Variants in EYS observed in about 807,000 individuals in gnomAD.
EYS encodes the protein protein eyes shut homolog.
EYS carries 250 observed loss-of-function variants against 282.1 expected under a neutral mutation model. That is an observed-to-expected ratio of 0.89 (90% CI 0.80 to 0.98). The LOEUF (loss-of-function observed/expected upper bound fraction) is 0.98, where lower values mean the gene tolerates loss of function less well. Among genes scored for constraint, EYS ranks in the 50% least tolerant of loss-of-function variants. The probability of loss-of-function intolerance (pLI) is 0.00; values close to 1 mark genes in which losing one functional copy is unlikely to be tolerated. For synonymous variants in EYS, 1,355 were observed against 1,282.9 expected, an observed-to-expected ratio of 1.06 and a Z score of -1.20; for missense variants, 4,016 against 3,709.0, an observed-to-expected ratio of 1.08 and a Z score of -2.15.
chr6:65,037,671 C>A (rs1396622058), intron 13 of EYS, among the ~76,000 whole-genome samples: 1 of 151,546 alleles, frequency 6.6e-6, no homozygotes. Context: ...GGCTCCCAGT[C>A]AAGAGTTTGT....
intron 11 of EYS, chr6:65,330,355 G>A: frequency 1.0e-6 from 1 of 984,102 alleles, no homozygotes; most frequent in Non-Finnish European, 1.2e-6. Context: ...TAAATTTGAG[G>A]CTTCAAAAAC....
chr6:64,641,951 C>T (rs1768172352), intron 22 of EYS, among the ~76,000 whole-genome samples: 1 of 152,158 alleles, frequency 6.6e-6, no homozygotes, highest in African/African-American at 2.4e-5. Context: ...AAAAAATTTT[C>T]TTCCAAAAAA....
rs763528072 is a variant in EYS, at chr6:64,639,567, T to G, written c.3444-13322A>C. 7.7e-5 allele frequency among the ~76,000 whole-genome samples: 7 copies of G among 90,566 alleles called. 2 individuals are homozygous for G. The highest frequency in any genetic ancestry group is 1.7e-4 in the Non-Finnish European group (7 of 42,128). 59.4% of individuals were successfully genotyped at this position (90,566 alleles called of 152,430 possible). A position where few individuals can be genotyped will look rare whatever the true frequency, so the allele number is the denominator to read the frequency against. On this transcript the variant is annotated intron_variant, in intron 22 of 42. Transcript: ENST00000503581. ...CCTTACACCTTATACAAAAATTAATTCAAGGATTAAAGACTTAAACGTTAG... is the reference window on the plus strand; with the variant it reads ...CCTTACACCTTATACAAAAATTAATGCAAGGATTAAAGACTTAAACGTTAG...
At chr6:64,617,298 G>C in intron 24 of EYS, 120 bp downstream of exon 24, 1 of 689,422 alleles carries the variant, frequency 1.5e-6, no homozygotes, top group Admixed American at 2.3e-5. Flanking sequence ...CACAGAGAAG[G>C]AGAGATGCGC....
rs1554170645 is a variant in EYS at position 65,251,455 on chromosome 6, A to AC, written c.2023+44407dup. On this transcript the variant is annotated intron_variant, in intron 12 of 42. Transcript: ENST00000503581. ...TGTTATAAGTTCCTAGGATTTCCAAACAAAAAAAAACAACAAAAATGAAAT... is the reference window on the plus strand; with the variant it reads ...TGTTATAAGTTCCTAGGATTTCCAAACCAAAAAAAAACAACAAAAATGAAAT... 6.8e-3 allele frequency among the ~76,000 whole-genome samples: 911 copies of AC among 133,378 alleles called. 11 individuals are homozygous for AC. The highest frequency in any genetic ancestry group is 0.027 in the African/African-American group (871 of 32,172). The allele number at this position is 133,378 out of a possible 152,430, so 87.5% of individuals were successfully genotyped here.
chr6:64,557,541 G>A (rs957759077), intron 26 of EYS, among the ~76,000 whole-genome samples: 1 of 151,912 alleles, frequency 6.6e-6, no homozygotes, highest in African/African-American at 2.4e-5. Context: ...TTACAATAAT[G>A]TTGTATGGTC....
intron 19 of EYS, among the ~76,000 whole-genome samples, chr6:64,870,993 A>G (rs1766577847): frequency 6.6e-6 from 1 of 151,922 alleles, no homozygotes; most frequent in African/African-American, 2.4e-5. Context: ...TCAGAAGAAG[A>G]TGAAAAGGAA....
chr6:65,517,192 A>T lies in EYS; in HGVS notation c.-332-21199T>A, dbSNP rs1478602247. Among the ~76,000 whole-genome samples the T allele has an allele frequency of 2.0e-5, 3 of 151,966 alleles. No individual in the cohort carries two copies. In the East Asian group the frequency reaches 5.8e-4, roughly 29 times the overall value. On this transcript the variant is annotated intron_variant, in intron 2 of 42. Coordinates refer to ENST00000503581, the MANE Select transcript of EYS (RefSeq NM_001142800.2). ...TGCGTGTGGAAGGGCTGTATATCTA[A>T]GGATATTATATTATTTTATTTTCCA...
At chr6:64,398,630 T>C (rs1416349) in intron 28 of EYS, among the ~76,000 whole-genome samples, 36,610 of 151,704 alleles carry the variant, frequency 0.24, 4,954 homozygotes, top group East Asian at 0.39. Flanking sequence ...AGAATAAATA[T>C]AATAAAACAG....
chr6:64,742,983 A>T (rs1772425473), intron 22 of EYS, among the ~76,000 whole-genome samples: 1 of 152,132 alleles, frequency 6.6e-6, no homozygotes, highest in Admixed American at 6.5e-5. Context: ...CTTAAGATTA[A>T]AGGATTTAGT....
chr6:63,972,021 G>A (rs1766600778), intron 35 of EYS, among the ~76,000 whole-genome samples: 1 of 152,012 alleles, frequency 6.6e-6, no homozygotes. Flanking sequence ...TCACTTGTTG[G>A]GCCTTGTTTA....
At chr6:64,501,470 A>G (rs1777042359) in intron 26 of EYS, among the ~76,000 whole-genome samples, 1 of 152,052 alleles carries the variant, frequency 6.6e-6, no homozygotes, top group Non-Finnish European at 1.5e-5. Flanking sequence ...ATATATATGT[A>G]TCTATATATC....
chr6:65,222,670 T>C (rs1214251084), intron 12 of EYS, among the ~76,000 whole-genome samples: 1 of 152,196 alleles, frequency 6.6e-6, no homozygotes, highest in East Asian at 1.9e-4. Context: ...CAAGGATGCA[T>C]ATATAGTGCT....
At chr6:64,615,149 C>T (rs964313333) in intron 24 of EYS, among the ~76,000 whole-genome samples, 1 of 152,096 alleles carries the variant, frequency 6.6e-6, no homozygotes, top group African/African-American at 2.4e-5. Flanking sequence ...ACTCTATGTA[C>T]ACACTTCATT....
intron 12 of EYS, among the ~76,000 whole-genome samples, chr6:65,294,708 T>C (rs1400040695): frequency 6.6e-6 from 1 of 151,924 alleles, no homozygotes; most frequent in Non-Finnish European, 1.5e-5. Context: ...CAGAGTTAAA[T>C]TCATTCTTTA....
chr6:63,825,151 C>A (rs1310109760), intron 36 of EYS, among the ~76,000 whole-genome samples: 1 of 150,422 alleles, frequency 6.6e-6, no homozygotes, highest in East Asian at 1.9e-4. Flanking sequence ...TCCCTGACAA[C>A]CTTCATGACT....
rs144781436 is a variant in EYS at position 64,804,997 on chromosome 6, G to A, written c.3443+8381C>T. On this transcript the variant is annotated intron_variant, in intron 22 of 42. Transcript: ENST00000503581. ...CCAACTGCAATTTTTTTTGTACATA[G>A]TAGTTTTCCAAAAAATATTTGCTGA... is the stretch of plus-strand genomic sequence containing the variant. 4.8e-3 allele frequency among the ~76,000 whole-genome samples: 735 copies of A among 151,888 alleles called. 4 individuals are homozygous for A. The highest frequency in any genetic ancestry group is 0.017 in the African/African-American group (694 of 41,486).
chr6:64,903,430 C>T (rs969886976), intron 16 of EYS, among the ~76,000 whole-genome samples: 8 of 152,092 alleles, frequency 5.3e-5, no homozygotes, highest in Admixed American at 6.6e-5. Context: ...TTTGCATACA[C>T]ATAGACTGGA....
intron 34 of EYS, among the ~76,000 whole-genome samples, chr6:63,994,623 T>C (rs1030039004): frequency 6.6e-6 from 1 of 151,898 alleles, no homozygotes; most frequent in Non-Finnish European, 1.5e-5. Flanking sequence ...TCCAGACCAC[T>C]TTCCACAATA....
Sources: gnomAD v4.1 joint callset for allele counts (sites outside exome capture counted in the v4.1 genomes callset) on GRCh38, gnomAD v4.1.1 for gene constraint, MANE v1.5 for transcripts, NCBI Gene and HGNC (gene_info 2026-07-23, HGNC 2026-07-21) for gene names.